COL4A5: variants seen among roughly 807,000 people sequenced by gnomAD.
COL4A5 encodes collagen alpha-5(IV) chain.
In COL4A5, 26 loss-of-function variants were observed where a neutral mutation model predicts 130.2. The observed-to-expected ratio is 0.20, with a 90% CI of 0.15 to 0.28. The LOEUF (loss-of-function observed/expected upper bound fraction) is 0.28, where lower values mean the gene tolerates loss of function less well. Ranked by LOEUF, COL4A5 falls within the 10% of genes least tolerant of loss-of-function variation. The pLI, the probability that COL4A5 is intolerant of heterozygous loss-of-function variation, is 1.00. For missense variants in COL4A5, 1,131 were observed against 1,344.3 expected (o/e 0.84, Z 2.48); for synonymous variants, 496 against 439.6 (o/e 1.13, Z -1.60).
intron 16 of COL4A5, chrX:108,582,496 T>C (rs2066267137): frequency 1.3e-5 from 2 of 155,228 alleles, no homozygotes; most frequent in Non-Finnish European, 2.4e-5. Context: ...CCCTGTTCTT[T>C]CCTCTCCAAT....
chrX:108,561,092 A>G (rs1028990691), intron 3 of COL4A5, among the ~76,000 whole-genome samples: 2 of 111,862 alleles, frequency 1.8e-5, no homozygotes, highest in African/African-American at 6.5e-5. Context: ...AGGGTACATG[A>G]AGTACTAAAA....
At chrX:108,678,994 T>C (rs1367415028) in intron 44 of COL4A5, among the ~76,000 whole-genome samples, 3 of 111,852 alleles carry the variant, frequency 2.7e-5, no homozygotes, top group Non-Finnish European at 5.6e-5. Flanking sequence ...GAATATTCCT[T>C]TTTTGCCTGA....
At chrX:108,465,492 A>G (rs2064697322) in intron 1 of COL4A5, among the ~76,000 whole-genome samples, 1 of 111,984 alleles carries the variant, frequency 8.9e-6, no homozygotes, top group Non-Finnish European at 1.9e-5. Flanking sequence ...GTTTACATAA[A>G]TATACACACA....
At chrX:108,543,438 G>T (rs2065584155) in intron 2 of COL4A5, among the ~76,000 whole-genome samples, 1 of 111,451 alleles carries the variant, frequency 9.0e-6, no homozygotes, top group Non-Finnish European at 1.9e-5. Context: ...TATTATTTCT[G>T]AGGGCTCTGC....
At position 108,595,579 on chromosome X, in the gene COL4A5, G is replaced by T. The variant is rs2066500673; in HGVS notation, c.1494G>T (p.Leu498Phe). The change falls in exon 22 of 53, where the codon TTG becomes TTT. Residue 498 changes from leucine to phenylalanine, a missense_variant. Transcript: ENST00000328300. ...GISGPPGQPG[L>F]PGLPGPPGSL... ...CAGGGCCTCCAGGTCAACCTGGTTT[G>T]CCAGGTCTCCCAGGTCCTCCAGGTA... is the stretch of plus-strand genomic sequence containing the variant. 1.7e-6 allele frequency: 2 copies of T among 1,211,320 alleles called. No homozygotes were observed. Among genetic ancestry groups the T allele is most frequent in the South Asian group, 1.8e-5 (1 of 56,978 alleles).
intron 1 of COL4A5, among the ~76,000 whole-genome samples, chrX:108,479,084 CAG>C (rs1193077844): frequency 4.5e-5 from 5 of 112,319 alleles, no homozygotes; most frequent in Admixed American, 3.7e-4. Context: ...TTGGTGATGA[CAG>C]GGGTGGCTGG....
At chrX:108,561,038 C>T (rs1056143079) in intron 3 of COL4A5, among the ~76,000 whole-genome samples, 1 of 111,523 alleles carries the variant, frequency 9.0e-6, no homozygotes, top group Non-Finnish European at 1.9e-5. Flanking sequence ...CCTGTGGTAT[C>T]AGAGTCAATT....
intron 36 of COL4A5, among the ~76,000 whole-genome samples, chrX:108,651,068 G>C (rs766995674): frequency 7.2e-5 from 8 of 111,814 alleles, no homozygotes; most frequent in Middle Eastern, 4.6e-3. Context: ...AGTGAAATAA[G>C]CAAGGCACAA....
intron 1 of COL4A5, among the ~76,000 whole-genome samples, chrX:108,526,551 C>T (rs1434298886): frequency 9.9e-6 from 1 of 101,263 alleles, no homozygotes; most frequent in Non-Finnish European, 2.0e-5. Context: ...TCCCTTCCTT[C>T]CTTCCCTCCC....
chrX:108,529,012 A>G (rs1603264977), intron 1 of COL4A5, among the ~76,000 whole-genome samples: 1 of 111,936 alleles, frequency 8.9e-6, no homozygotes, highest in South Asian at 3.7e-4. Context: ...GACACATTAT[A>G]GTCAGAAAGT....
chrX:108,627,096 C>A, intron 36 of COL4A5: 1 of 647,782 alleles, frequency 1.5e-6, no homozygotes, highest in Non-Finnish European at 1.8e-6. Flanking sequence ...TTATTTTGAT[C>A]ATCTAATTGA....
intron 1 of COL4A5, 25 bp from the exon 2 acceptor site, chrX:108,539,721 T>A: frequency 8.4e-7 from 1 of 1,187,044 alleles, no homozygotes; most frequent in African/African-American, 1.7e-5. Context: ...TTTAATGATT[T>A]TTTCCCTCTT....
intron 36 of COL4A5, among the ~76,000 whole-genome samples, chrX:108,631,627 C>G (rs781219215): frequency 9.0e-6 from 1 of 111,499 alleles, no homozygotes; most frequent in African/African-American, 3.3e-5. Flanking sequence ...TCATAACAAA[C>G]TGTCTCTCAC....
At chrX:108,679,534 G>T (rs1370231877) in intron 44 of COL4A5, among the ~76,000 whole-genome samples, 1 of 111,734 alleles carries the variant, frequency 8.9e-6, no homozygotes, top group African/African-American at 3.2e-5. Context: ...CTTCAAGCTG[G>T]ATTTGATGTT....
At chrX:108,506,422 A>G (rs1332090078) in intron 1 of COL4A5, among the ~76,000 whole-genome samples, 1 of 109,700 alleles carries the variant, frequency 9.1e-6, no homozygotes, top group African/African-American at 3.3e-5. Context: ...GTTCTCCAAC[A>G]TTTTTGGCAC....
At chrX:108,583,867 C>T (rs950366083) in intron 17 of COL4A5, among the ~76,000 whole-genome samples, 5 of 109,369 alleles carry the variant, frequency 4.6e-5, no homozygotes, top group Admixed American at 9.8e-5. Context: ...TTTTTTCATG[C>T]TGTTGTAGCT....
chrX:108,473,631 A>ATTTTTTTTT (rs1406126217), intron 1 of COL4A5, among the ~76,000 whole-genome samples: 2 of 26,476 alleles, frequency 7.6e-5, no homozygotes, highest in Admixed American at 2.5e-4. Context: ...ATATATATAT[A>ATTTTTTTTT]TATTTTTTTT....
chrX:108,591,406 T>C (rs113490892), intron 20 of COL4A5, among the ~76,000 whole-genome samples, 155 bp from the exon 21 acceptor site: 138 of 112,980 alleles, frequency 1.2e-3, no homozygotes, highest in African/African-American at 4.0e-3. Context: ...TTGCTCTTCA[T>C]ATAGTATTTA....
chrX:108,529,075 A>G lies in COL4A5; in HGVS notation c.82-10671A>G, dbSNP rs141681575. 8.6e-3 allele frequency among the ~76,000 whole-genome samples: 959 copies of G among 111,698 alleles called. 9 individuals carry two copies. Among genetic ancestry groups the G allele is most frequent in the Middle Eastern group, 0.014 (3 of 213 alleles). ...TGAAAACAGTAAGAGAAAAGTGTCT[A>G]GTCACTTCTAAATGAAACCCTATCA... On this transcript the variant is annotated intron_variant, in intron 1 of 52. Coordinates refer to ENST00000328300, the MANE Select transcript of COL4A5 (RefSeq NM_033380.3).
Sources: allele counts gnomAD v4.1 joint callset (sites outside exome capture counted in the v4.1 genomes callset), GRCh38; gene constraint gnomAD v4.1.1; transcripts MANE v1.5; gene names NCBI Gene and HGNC (gene_info 2026-07-23, HGNC 2026-07-21).